COLEC10: variants seen among roughly 807,000 people sequenced by gnomAD.
The protein encoded by COLEC10 is collectin-10.
In COLEC10, 22 loss-of-function variants were observed where a neutral mutation model predicts 28.4. The observed-to-expected ratio is 0.78, with a 90% CI of 0.55 to 1.11. COLEC10 has a LOEUF of 1.11. COLEC10 is among the 50% of genes least tolerant of loss of function. The pLI is 0.00. For missense variants in COLEC10, 361 were observed against 344.1 expected, an observed-to-expected ratio of 1.05 and a Z score of -0.39; for synonymous variants, 125 against 116.1, an observed-to-expected ratio of 1.08 and a Z score of -0.49.
the COLEC10 span, among the ~76,000 whole-genome samples, chr8:118,954,033 G>A: frequency 6.6e-6 from 1 of 152,218 alleles, no homozygotes; most frequent in South Asian, 2.1e-4. Flanking sequence ...AGGTTCTCAT[G>A]GGGACGTTTG....
chr8:119,099,129 T>C (rs1815774392), intron 3 of COLEC10, among the ~76,000 whole-genome samples: 1 of 152,082 alleles, frequency 6.6e-6, no homozygotes. Flanking sequence ...AGCATTATGA[T>C]TTTTTTGTTT....
At chr8:118,953,551 C>A in the COLEC10 span, among the ~76,000 whole-genome samples, 1 of 152,130 alleles carries the variant, frequency 6.6e-6, no homozygotes, top group Non-Finnish European at 1.5e-5. Flanking sequence ...TCAGTGTTAA[C>A]CCTGGGAAAG....
the COLEC10 span, chr8:118,982,560 TA>T: frequency 5.4e-6 from 1 of 186,382 alleles, no homozygotes; most frequent in Admixed American, 5.1e-5. Context: ...GGCCAGAACA[TA>T]CAAGAATCAA....
intron 2 of COLEC10, among the ~76,000 whole-genome samples, chr8:119,049,910 T>C (rs1299246750): frequency 6.6e-6 from 1 of 152,174 alleles, no homozygotes; most frequent in African/African-American, 2.4e-5. Flanking sequence ...TTGGGGGGAA[T>C]ACAGTATTGC....
Position 119,050,999 on chromosome 8 carries a change from A to G in COLEC10, n.236-38681A>G, listed in dbSNP as rs182370639. 1.1e-4 allele frequency among the ~76,000 whole-genome samples: 16 copies of G among 152,308 alleles called. No individual in the cohort carries two copies. In the East Asian group the frequency reaches 3.1e-3, roughly 29 times the overall value. On this transcript the variant is annotated intron_variant and non_coding_transcript_variant, in intron 2 of 6. Transcript: ENST00000521788. ...TGTACTAGAGCAAAAGAGAAAAGTG[A>G]CTGATTTTTTTAAATGAATTAGTCC...
At chr8:119,047,706 A>G (rs1043769649) in intron 2 of COLEC10, among the ~76,000 whole-genome samples, 34 of 152,176 alleles carry the variant, frequency 2.2e-4, no homozygotes, top group African/African-American at 8.2e-4. Flanking sequence ...CTCAGTAATA[A>G]AGCAAATAAA....
chr8:119,048,651 A>T (rs1814625293), intron 2 of COLEC10, among the ~76,000 whole-genome samples: 1 of 152,180 alleles, frequency 6.6e-6, no homozygotes, highest in Admixed American at 6.5e-5. Flanking sequence ...TGTTATAAGA[A>T]TAGTGACTCC....
upstream of COLEC10, among the ~76,000 whole-genome samples, chr8:118,993,242 T>C (rs1447756738): frequency 2.6e-5 from 4 of 152,190 alleles, no homozygotes; most frequent in African/African-American, 9.6e-5. Flanking sequence ...AAGAGCAAGA[T>C]GTCAGCAGGA....
chr8:118,975,790 A>G, the COLEC10 span, among the ~76,000 whole-genome samples: 1 of 152,066 alleles, frequency 6.6e-6, no homozygotes, highest in African/African-American at 2.4e-5. Context: ...GAAGTAGAGG[A>G]AGAATGACCA....
rs183430515 is a variant in COLEC10, at chr8:119,014,777, T to C, written n.235+5224T>C. 4.0e-5 allele frequency among the ~76,000 whole-genome samples: 6 copies of C among 151,306 alleles called. No individual in the cohort carries two copies. The East Asian group carries it at 5.8e-4, about 15-fold the overall frequency. Reference sequence around the variant, plus strand: ...TGCTTCTTTTTTGCTTTTATTCTCTTTGCTTTTCCATTTTGGAAATATCTA... The same window carrying C: ...TGCTTCTTTTTTGCTTTTATTCTCTCTGCTTTTCCATTTTGGAAATATCTA... On this transcript the variant is annotated intron_variant and non_coding_transcript_variant, in intron 2 of 6. Transcript: ENST00000521788.
intron 1 of COLEC10, among the ~76,000 whole-genome samples, chr8:119,087,478 A>G (rs945244931): frequency 6.6e-6 from 1 of 152,194 alleles, no homozygotes; most frequent in South Asian, 2.1e-4. Flanking sequence ...CTATGAATGC[A>G]TGGAAAAAAG....
intron 2 of COLEC10, among the ~76,000 whole-genome samples, chr8:119,036,470 C>G (rs904359148): frequency 6.6e-6 from 1 of 151,888 alleles, no homozygotes; most frequent in African/African-American, 2.4e-5. Flanking sequence ...ATGCAATTGC[C>G]GAATCCAATA....
chr8:119,076,683 T>C (rs1277420803), intron 1 of COLEC10, among the ~76,000 whole-genome samples: 1 of 152,230 alleles, frequency 6.6e-6, no homozygotes, highest in Non-Finnish European at 1.5e-5. Flanking sequence ...CATTGTAGCA[T>C]TGAGTGCAGT....
intron 1 of COLEC10, among the ~76,000 whole-genome samples, chr8:119,070,037 C>A (rs73325487): frequency 0.066 from 9,967 of 152,096 alleles, 618 homozygotes; most frequent in East Asian, 0.2. Flanking sequence ...CCCAGTAATG[C>A]TAACCAGTCA....
intron 2 of COLEC10, among the ~76,000 whole-genome samples, chr8:119,032,880 C>A (rs757803339): frequency 1.3e-5 from 2 of 152,180 alleles, no homozygotes; most frequent in East Asian, 3.9e-4. Context: ...GGAGCCTGGG[C>A]GGCAGAGTGA....
At chr8:119,088,468 G>GA (rs1271832179) in intron 1 of COLEC10, among the ~76,000 whole-genome samples, 29 of 151,992 alleles carry the variant, frequency 1.9e-4, no homozygotes, top group African/African-American at 7.0e-4. Flanking sequence ...TCTGCACTCA[G>GA]AAAAAAATAA....
chr8:118,954,066 A>C, the COLEC10 span, among the ~76,000 whole-genome samples: 3 of 152,234 alleles, frequency 2.0e-5, no homozygotes, highest in Non-Finnish European at 4.4e-5. Context: ...GCAAATCTAG[A>C]TTGTAAGCTC....
chr8:118,997,031 G>A (rs1333070176), intron 1 of COLEC10, among the ~76,000 whole-genome samples: 1 of 152,142 alleles, frequency 6.6e-6, no homozygotes, highest in Non-Finnish European at 1.5e-5. Flanking sequence ...TCCCACACTG[G>A]AGATCACATT....
intron 2 of COLEC10, among the ~76,000 whole-genome samples, chr8:119,029,984 G>A (rs924115172): frequency 6.6e-6 from 1 of 152,174 alleles, no homozygotes; most frequent in Non-Finnish European, 1.5e-5. Context: ...TAGTTTGCAG[G>A]AATAGGGATA....
Sources: gnomAD v4.1 joint callset for allele counts (sites outside exome capture counted in the v4.1 genomes callset) on GRCh38, gnomAD v4.1.1 for gene constraint, MANE v1.5 for transcripts, NCBI Gene and HGNC (gene_info 2026-07-23, HGNC 2026-07-21) for gene names.